Variants in LRRN4 observed in about 807,000 individuals in gnomAD.
The protein encoded by LRRN4 is leucine rich repeat neuronal 4.
In LRRN4, 26 loss-of-function variants were observed where a neutral mutation model predicts 22.3. That is an observed-to-expected ratio of 1.16 (90% CI 0.85 to 1.62). LRRN4 has a LOEUF of 1.62. Ranked by LOEUF, LRRN4 falls within the 40% of genes most tolerant of loss-of-function variation. LRRN4 has a pLI of 0.00. For synonymous variants in LRRN4, 496 were observed against 486.2 expected (o/e 1.02, Z -0.26); for missense variants, 1,070 against 1,008.5 (o/e 1.06, Z -0.83).
Position 6,041,601 on chromosome 20 carries a change from A to G in LRRN4, c.1644T>C (p.Asp548=), listed in dbSNP as rs953183103. Residue 548 remains aspartate (D), a synonymous_variant, in exon 5 of 5, where the codon GAT becomes GAC. Transcript: ENST00000378858. This position sits in a 1 kb window ranked among gnomAD's most constrained non-coding sequence, Gnocchi z 9.4. The part of the protein sequence containing the change: ...VGTPHQDVPC[D]YHPCKHLQTP... ...TCTGCAGGTGCTTGCAGGGATGGTAATCACAGGGGACGTCCTGGTGAGGCG... is the reference window on the plus strand; with the variant it reads ...TCTGCAGGTGCTTGCAGGGATGGTAGTCACAGGGGACGTCCTGGTGAGGCG... The G allele has an allele frequency of 6.4e-6, 10 of 1,571,104 alleles. No homozygotes were observed. In the East Asian group the frequency reaches 2.3e-4, roughly 35 times the overall value.
Position 6,042,207 on chromosome 20 carries a change from G to A in LRRN4, c.1038C>T (p.Ser346=), listed in dbSNP as rs759039858. 8 of 1,613,540 alleles carry A rather than the reference G, an allele frequency of 5.0e-6. No homozygotes were observed. The highest frequency in any genetic ancestry group is 6.8e-6 in the Non-Finnish European group (8 of 1,179,840). ...DTMCAPAAGS[S]GPFSASLSLS... is the part of the protein sequence containing the mutation. ...GTGACAGGGAGGCTGAGAAGGGGCC[G>A]CTGGATCCCGCAGCTGGCGCGCACA... The change falls in exon 5 of 5, where the codon AGC becomes AGT. Residue 346 remains serine, a synonymous_variant. Coordinates refer to ENST00000378858, the MANE Select transcript of LRRN4 (RefSeq NM_152611.5).
rs1387301351 is a variant in LRRN4 at position 6,041,811 on chromosome 20, C to T, written c.1434G>A (p.Leu478=). The change falls in exon 5 of 5, where the codon CTG becomes CTA. Residue 478 remains leucine, a synonymous_variant. Transcript: ENST00000378858. The surrounding 1 kb of genome is among the most constrained non-coding windows in gnomAD (Gnocchi z 9.4). ...GGAAGGGGCCCAGGAGCTTGCTGGC[C>T]AGTGGGGTGGAGGCAGCTGAGATAT... ...EPDISAASTP[L]ASKLLGPFPT... is the part of the protein sequence containing the mutation. The T allele has an allele frequency of 6.2e-7, 1 of 1,614,126 alleles. No individual in the cohort carries two copies. Among genetic ancestry groups the T allele is most frequent in the Admixed American group, 1.7e-5 (1 of 60,028 alleles).
rs758016285 is a variant in LRRN4, at chr20:6,041,239, C to A, written c.2006G>T (p.Ser669Ile). 8 of 1,582,176 alleles carry A rather than the reference C, an allele frequency of 5.1e-6. No homozygotes were observed. Among genetic ancestry groups the A allele is most frequent in the East Asian group, 2.3e-5 (1 of 44,046 alleles). The change falls in exon 5 of 5, where the codon AGC becomes ATC. Residue 669 changes from serine (S) to isoleucine (I), a missense_variant. Ser to Ile is a moderately radical substitution (Grantham distance 142, BLOSUM62 -2). Coordinates refer to ENST00000378858, the MANE Select transcript of LRRN4 (RefSeq NM_152611.5). This position sits in a 1 kb window ranked among gnomAD's most constrained non-coding sequence, Gnocchi z 9.4. ...LSQPRSSGWR[S>I]PCAAFTTKPS... ...CTTGGTGGTGAAGGCGGCGCACGGG[C>A]TCCTCCAGCCCGAAGACCGTGGCTG... is the stretch of plus-strand genomic sequence containing the variant.
At chr20:6,052,940 C>A in intron 1 of LRRN4, 136 bp from the exon 2 acceptor site, 1 of 955,000 alleles carries the variant, frequency 1.0e-6, no homozygotes, top group Non-Finnish European at 1.5e-6. Flanking sequence ...GGCGGGGAGA[C>A]GTTCCCAGAG....
intron 4 of LRRN4, among the ~76,000 whole-genome samples, chr20:6,042,971 C>T (rs950534325): frequency 2.6e-5 from 4 of 151,922 alleles, no homozygotes; most frequent in Non-Finnish European, 5.9e-5. Flanking sequence ...GAGTGCTTCC[C>T]ACGTGCTAGG....
At position 6,047,463 on chromosome 20, in the gene LRRN4, CACACAG is replaced by C. The variant is rs1243474426; in HGVS notation, c.861-2789_861-2784del. 5.4e-3 allele frequency among the ~76,000 whole-genome samples: 791 copies of C among 146,558 alleles called. 2 individuals are homozygous for C. The highest frequency in any genetic ancestry group is 0.014 in the Middle Eastern group (4 of 282). On this transcript the variant is annotated intron_variant, in intron 3 of 4. Coordinates refer to ENST00000378858, the MANE Select transcript of LRRN4 (RefSeq NM_152611.5). ...ACACACACACACACACACACACACA[CACACAG>C]AGACACACACCACTCTTCTGGTAAG...
rs1980951595 is a variant in LRRN4 at position 6,041,594 on chromosome 20, G to C, written c.1651C>G (p.Pro551Ala). ...CACGGGGTCTGCAGGTGCTTGCAGGGATGGTAATCACAGGGGACGTCCTGG... is the reference window on the plus strand; with the variant it reads ...CACGGGGTCTGCAGGTGCTTGCAGGCATGGTAATCACAGGGGACGTCCTGG... Reference protein sequence around the residue: ...PHQDVPCDYHPCKHLQTPCAE... With the variant: ...PHQDVPCDYHACKHLQTPCAE... Residue 551 changes from proline (P) to alanine (A), a missense_variant, in exon 5 of 5, where the codon CCC becomes GCC. Pro to Ala is a conservative substitution (Grantham distance 27). Transcript: ENST00000378858. The surrounding 1 kb of genome is among the most constrained non-coding windows in gnomAD (Gnocchi z 9.4). 3.2e-6 allele frequency: 5 copies of C among 1,569,206 alleles called. No individual in the cohort carries two copies. Among genetic ancestry groups the C allele is most frequent in the Non-Finnish European group, 4.3e-6 (5 of 1,155,254 alleles).
At chr20:6,053,613 T>G (rs1981319431) in intron 1 of LRRN4, among the ~76,000 whole-genome samples, 1 of 152,048 alleles carries the variant, frequency 6.6e-6, no homozygotes, top group African/African-American at 2.4e-5. Context: ...AAGATACCGT[T>G]AACCATGCCC....
chr20:6,042,120 T>C lies in LRRN4; in HGVS notation c.1125A>G (p.Pro375=). 1 of 1,613,932 alleles carries C rather than the reference T, an allele frequency of 6.2e-7. No homozygotes were observed. Among genetic ancestry groups the C allele is most frequent in the Non-Finnish European group, 8.5e-7 (1 of 1,179,948 alleles). The change falls in exon 5 of 5, where the codon CCA becomes CCG. Residue 375 remains proline, a synonymous_variant. Coordinates refer to ENST00000378858, the MANE Select transcript of LRRN4 (RefSeq NM_152611.5). ...DQSTTLGASH[P]PCFNRSTYAQ... is the part of the protein sequence containing the mutation. ...CGTAGGTGGAGCGGTTGAAGCAAGG[T>C]GGGTGTGAAGCCCCGAGAGTGGTGC...
intron 3 of LRRN4, among the ~76,000 whole-genome samples, chr20:6,048,618 T>C (rs950425664): frequency 3.9e-5 from 6 of 152,350 alleles, no homozygotes; most frequent in Admixed American, 3.9e-4. Flanking sequence ...TCTGGATTGC[T>C]GCAAGAGTAA....
chr20:6,052,698 G>T lies in LRRN4; in HGVS notation c.102C>A (p.Gly34=). ...CGTTGCTGCCACTGCTCCCCCAGGG[G>T]CCCTGCTGAGTGACCCGGAAGAGCG... ...KVPLFRVTQQ[G]PWGSSGSNAT... is the part of the protein sequence containing the mutation. The change falls in exon 2 of 5, where the codon GGC becomes GGA. Residue 34 remains glycine (G), a synonymous_variant. Coordinates refer to ENST00000378858, the MANE Select transcript of LRRN4 (RefSeq NM_152611.5). 2 of 1,571,548 alleles carry T rather than the reference G, an allele frequency of 1.3e-6. No homozygotes were observed. The highest frequency in any genetic ancestry group is 1.7e-6 in the Non-Finnish European group (2 of 1,166,368).
At chr20:6,049,078 G>A (rs1425987492) in intron 3 of LRRN4, among the ~76,000 whole-genome samples, 1 of 152,204 alleles carries the variant, frequency 6.6e-6, no homozygotes, top group Non-Finnish European at 1.5e-5. Flanking sequence ...GCAGTGAATT[G>A]ACAAGTAGAG....
Position 6,052,620 on chromosome 20 carries a change from G to A in LRRN4, c.180C>T (p.Thr60=), listed in dbSNP as rs1158145571. 1.9e-6 allele frequency: 3 copies of A among 1,588,850 alleles called. No individual in the cohort carries two copies. Among genetic ancestry groups the A allele is most frequent in the South Asian group, 2.2e-5 (2 of 89,218 alleles). The change falls in exon 2 of 5, where the codon ACC becomes ACT. Residue 60 remains threonine, a synonymous_variant. Coordinates refer to ENST00000378858, the MANE Select transcript of LRRN4 (RefSeq NM_152611.5). ...GLPAADATAL[T]LANRNLERLP... is the part of the protein sequence containing the mutation. ...GGCGCTCCAGGTTGCGGTTCGCCAG[G>A]GTCAAGGCCGTCGCATCCGCGGCGG...
rs1357946771 is a variant in LRRN4, at chr20:6,052,522, G to C, written c.278C>G (p.Ser93Cys). 1.3e-6 allele frequency: 2 copies of C among 1,586,938 alleles called. No individual in the cohort carries two copies. The highest frequency in any genetic ancestry group is 1.1e-5 in the South Asian group (1 of 88,772). The stretch of plus-strand genomic sequence containing the variant: ...CAGCTGCTCCAGGTGGCCGAGCTCG[G>C]AAGTGCTCAGGGCGCGCAGCAGGTT... Reference protein sequence around the residue: ...SHNLLRALSTSELGHLEQLQV... With the variant: ...SHNLLRALSTCELGHLEQLQV... The change falls in exon 2 of 5, where the codon TCC (serine) becomes TGC (cysteine). Residue 93 changes from serine (S) to cysteine (C), a missense_variant. Transcript: ENST00000378858.
At chr20:6,049,766 G>T (rs1981201220) in intron 3 of LRRN4, among the ~76,000 whole-genome samples, 2 of 151,698 alleles carry the variant, frequency 1.3e-5, no homozygotes, top group Non-Finnish European at 2.9e-5. Flanking sequence ...GCCTCCCAAA[G>T]TGCTGGGATT....
At chr20:6,045,335 G>C (rs1297050556) in intron 3 of LRRN4, among the ~76,000 whole-genome samples, 1 of 148,398 alleles carries the variant, frequency 6.7e-6, no homozygotes, top group East Asian at 2.0e-4. Context: ...TTACTCGGGA[G>C]GCTGAGGCAG....
chr20:6,050,744 G>T (rs764176235), intron 3 of LRRN4, 35 bp downstream of exon 3: 1 of 1,592,118 alleles, frequency 6.3e-7, no homozygotes, highest in South Asian at 1.1e-5. Context: ...GCAAAAATCA[G>T]TCATGTGATG....
intron 3 of LRRN4, among the ~76,000 whole-genome samples, chr20:6,045,482 C>T (rs1249397019): frequency 6.7e-6 from 1 of 148,224 alleles, no homozygotes; most frequent in African/African-American, 2.5e-5. Flanking sequence ...CAAAAACACA[C>T]ACACAAAAAA....
chr20:6,050,654 G>GC, intron 3 of LRRN4, 125 bp downstream of exon 3: 1 of 971,298 alleles, frequency 1.0e-6, no homozygotes, highest in Non-Finnish European at 1.6e-6. Context: ...GGAAAACAAA[G>GC]CCCCAGAGAG....
Sources: gnomAD v4.1 joint callset for allele counts (sites outside exome capture counted in the v4.1 genomes callset) on GRCh38, gnomAD v4.1.1 for gene constraint, Gnocchi (gnomAD v3.1) non-coding constraint, MANE v1.5 for transcripts, NCBI Gene and HGNC (gene_info 2026-07-23, HGNC 2026-07-21) for gene names.